RPS6KA6: variants seen among roughly 807,000 people sequenced by gnomAD.
The protein encoded by RPS6KA6 is ribosomal protein S6 kinase alpha-6.
Under a neutral mutation model 65.4 loss-of-function variants are expected in RPS6KA6, and 27 were observed. The observed-to-expected ratio is 0.41, with a 90% CI of 0.30 to 0.57. The LOEUF is 0.57. RPS6KA6 is among the 20% of genes least tolerant of loss of function. The probability of loss-of-function intolerance (pLI) is 0.24; values close to 1 mark genes in which losing one functional copy is unlikely to be tolerated. For synonymous variants in RPS6KA6, 190 were observed against 184.2 expected, an observed-to-expected ratio of 1.03 and a Z score of -0.26; for missense variants, 486 against 555.6, an observed-to-expected ratio of 0.87 and a Z score of 1.26.
At chrX:84,117,995 C>A (rs2034600970) in intron 9 of RPS6KA6, among the ~76,000 whole-genome samples, 5 of 110,923 alleles carry the variant, frequency 4.5e-5, no homozygotes, top group Non-Finnish European at 9.4e-5. Flanking sequence ...AAGAAACATA[C>A]ACCTTAGTTG....
chrX:84,115,869 T>C (rs1454338674), intron 12 of RPS6KA6, among the ~76,000 whole-genome samples: 1 of 111,706 alleles, frequency 9.0e-6, no homozygotes, highest in Non-Finnish European at 1.9e-5. Context: ...ATATCCCATG[T>C]TCTCACTTAT....
rs138483980 is a variant in RPS6KA6, at chrX:84,083,808, T to C, written c.1971+12386A>G. ...TGAGGAAACACCACGCTGTCTTCCA[T>C]AATGGTTGAACAAATTTACATTCCA... On this transcript the variant is annotated intron_variant, in intron 20 of 21. Transcript: ENST00000262752. Among the ~76,000 whole-genome samples, 783 of 112,336 alleles carry C rather than the reference T, an allele frequency of 7.0e-3. 5 individuals are homozygous for C. Among genetic ancestry groups the C allele is most frequent in the Non-Finnish European group, 0.012 (652 of 53,242 alleles).
intron 20 of RPS6KA6, among the ~76,000 whole-genome samples, chrX:84,084,291 T>C (rs1483406448): frequency 8.9e-6 from 1 of 112,597 alleles, no homozygotes; most frequent in Non-Finnish European, 1.9e-5. Context: ...TGCCTGTTTC[T>C]ATGTCCTGAA....
In RPS6KA6 at chrX:84,061,757, CA is replaced by C. The variant is rs1430504862; in HGVS notation, c.*2519del. ...AACCATTAACTAGAAAAACACAATG[CA>C]AAATCATTATTCAAGAACCCATTAG... On this transcript the variant is annotated 3_prime_UTR_variant, in exon 22 of 22. Transcript: ENST00000262752. The C allele has an allele frequency of 9.0e-6, 1 of 111,674 alleles. No individual in the cohort carries two copies. Among genetic ancestry groups the C allele is most frequent in the Non-Finnish European group, 1.9e-5 (1 of 53,005 alleles). The allele number at this position is 111,674 out of a possible 1,213,427, so 9.2% of individuals were successfully genotyped here. A position where few individuals can be genotyped will look rare whatever the true frequency, so the allele number is the denominator to read the frequency against.
At chrX:84,070,916 T>TA (rs199723932) in intron 20 of RPS6KA6, among the ~76,000 whole-genome samples, 16 of 109,547 alleles carry the variant, frequency 1.5e-4, no homozygotes, top group South Asian at 3.9e-4. Flanking sequence ...AACAACCAAT[T>TA]AAAAAAAAAC....
At position 84,105,833 on chromosome X, in the gene RPS6KA6, A is replaced by G. The variant is rs1412776161; in HGVS notation, c.1409T>C (p.Ile470Thr). Reference sequence around the variant, plus strand: ...GGGATGTTGTCCATAGCGCATCAATATTTCAATCTCTTCTGAAGGGTCTCG... The same window carrying G: ...GGGATGTTGTCCATAGCGCATCAATGTTTCAATCTCTTCTGAAGGGTCTCG... ...SKRDPSEEIE[I>T]LMRYGQHPNI... The change falls in exon 16 of 22, where the codon ATA becomes ACA. Residue 470 changes from isoleucine (I) to threonine (T), a missense_variant. Physicochemically the swap from Ile to Thr is moderately conservative, Grantham distance 89. Transcript: ENST00000262752. The G allele has an allele frequency of 8.5e-7, 1 of 1,180,704 alleles. No homozygotes were observed. The highest frequency in any genetic ancestry group is 1.1e-6 in the Non-Finnish European group (1 of 872,955).
chrX:84,173,561 G>A (rs2035719257), intron 1 of RPS6KA6, among the ~76,000 whole-genome samples: 1 of 112,514 alleles, frequency 8.9e-6, no homozygotes, highest in African/African-American at 3.2e-5. Flanking sequence ...GAATAATGCT[G>A]CCTGTATAGA....
chrX:84,135,109 T>G lies in RPS6KA6; in HGVS notation c.603A>C (p.Pro201=). ...QLGIVYRDLK[P]ENILLDEIGH... ...ACAAAAGAATACAGCTTTACTTTTC[T>G]GGCTTCAGGTCTCTATAAACAATTC... Residue 201 remains proline (P), a synonymous_variant, in exon 7 of 22, where the codon CCA becomes CCC. Transcript: ENST00000262752. 8.4e-7 allele frequency: 1 copy of G among 1,187,722 alleles called. No individual in the cohort carries two copies. The highest frequency in any genetic ancestry group is 3.0e-5 in the East Asian group (1 of 33,550).
chrX:84,174,027 C>T (rs1217980182), intron 1 of RPS6KA6, among the ~76,000 whole-genome samples: 2 of 112,063 alleles, frequency 1.8e-5, no homozygotes, highest in African/African-American at 3.2e-5. Context: ...CTATAACACA[C>T]TTTATCAATT....
chrX:84,156,263 A>T (rs1247986045), intron 2 of RPS6KA6, 72 bp from the exon 3 acceptor site: 4 of 570,600 alleles, frequency 7.0e-6, no homozygotes, highest in Middle Eastern at 3.3e-4. Flanking sequence ...TTAAAATCAG[A>T]AGTCATAATA....
intron 6 of RPS6KA6, among the ~76,000 whole-genome samples, chrX:84,141,635 A>T (rs746870752): frequency 9.0e-6 from 1 of 111,494 alleles, no homozygotes; most frequent in South Asian, 3.7e-4. Context: ...CACACATTAA[A>T]ATATAAAGAC....
intron 1 of RPS6KA6, among the ~76,000 whole-genome samples, chrX:84,180,781 G>A (rs758922093): frequency 9.0e-6 from 1 of 111,636 alleles, no homozygotes; most frequent in Non-Finnish European, 1.9e-5. Context: ...TGCTAACAAC[G>A]TATCTATATT....
At position 84,182,098 on chromosome X, in the gene RPS6KA6, C is replaced by T. The variant is rs190798674; in HGVS notation, c.81+5721G>A. Among the ~76,000 whole-genome samples the T allele has an allele frequency of 2.0e-3, 220 of 107,682 alleles. 1 individual carries two copies. Among genetic ancestry groups the T allele is most frequent in the African/African-American group, 7.0e-3 (208 of 29,572 alleles). The allele number at this position is 107,682 out of a possible 115,157, so 93.5% of individuals were successfully genotyped here. A position where few individuals can be genotyped will look rare whatever the true frequency, so the allele number is the denominator to read the frequency against. ...ACACACACACACACACACACGTGCA[C>T]ACAAAACTACAGCAGGACCTGTTTC... On this transcript the variant is annotated intron_variant, in intron 1 of 21. Transcript: ENST00000262752.
At chrX:84,180,997 T>C (rs1294815408) in intron 1 of RPS6KA6, among the ~76,000 whole-genome samples, 2 of 112,127 alleles carry the variant, frequency 1.8e-5, no homozygotes, top group Non-Finnish European at 3.8e-5. Context: ...ATGCATCTAG[T>C]ACTAGCTGGT....
chrX:84,059,596 C>A lies in RPS6KA6; in HGVS notation c.*4681G>T, dbSNP rs17267170. On this transcript the variant is annotated 3_prime_UTR_variant, in exon 22 of 22. Transcript: ENST00000262752. The stretch of plus-strand genomic sequence containing the variant: ...TAGTTCATAGGAAAGATAAAAGTAA[C>A]CTAATCAGTCACATTTTGACAATTT... The A allele has an allele frequency of 4.5e-5, 5 of 111,874 alleles. No homozygotes were observed. Among genetic ancestry groups the A allele is most frequent in the Non-Finnish European group, 9.4e-5 (5 of 53,177 alleles). The allele number at this position is 111,874 out of a possible 1,213,427, so 9.2% of individuals were successfully genotyped here. A position where few individuals can be genotyped will look rare whatever the true frequency, so the allele number is the denominator to read the frequency against.
chrX:84,107,110 C>A (rs1368387933), intron 13 of RPS6KA6, 70 bp from the exon 14 acceptor site: 50 of 902,590 alleles, frequency 5.5e-5, no homozygotes, highest in East Asian at 4.0e-4. Context: ...GTCAGAATTT[C>A]TTTAACTATA....
chrX:84,140,768 T>C (rs1479033321), intron 6 of RPS6KA6, among the ~76,000 whole-genome samples: 2 of 94,531 alleles, frequency 2.1e-5, no homozygotes, highest in South Asian at 5.2e-4. Context: ...CATATATATA[T>C]ATATAGTCAA....
At chrX:84,121,354 C>T (rs1428311646) in intron 8 of RPS6KA6, among the ~76,000 whole-genome samples, 1 of 112,175 alleles carries the variant, frequency 8.9e-6, no homozygotes, top group Non-Finnish European at 1.9e-5. Flanking sequence ...TTTTCTGACA[C>T]CCACTTCCAC....
chrX:84,177,446 G>A (rs777934411), intron 1 of RPS6KA6, among the ~76,000 whole-genome samples: 7 of 111,493 alleles, frequency 6.3e-5, no homozygotes, highest in Non-Finnish European at 9.4e-5. Flanking sequence ...CTTGTCCAAG[G>A]TCACACAGTA....
Sources: gnomAD v4.1 joint callset for allele counts (sites outside exome capture counted in the v4.1 genomes callset) on GRCh38, gnomAD v4.1.1 for gene constraint, MANE v1.5 for transcripts, NCBI Gene and HGNC (gene_info 2026-07-23, HGNC 2026-07-21) for gene names.